Variants in CERS6 observed in about 807,000 individuals in gnomAD.
CERS6 encodes the protein LAG1 homolog, ceramide synthase 6.
CERS6 carries 26 observed loss-of-function variants against 56.8 expected under a neutral mutation model. The observed-to-expected ratio is 0.46, with a 90% CI of 0.34 to 0.63. The LOEUF is 0.63. CERS6 is among the 30% of genes least tolerant of loss of function. The pLI is 0.01. For synonymous variants in CERS6, 164 were observed against 173.3 expected (o/e 0.95, Z 0.42); for missense variants, 415 against 467.5 (o/e 0.89, Z 1.04).
At chr2:168,505,382 CAAAAAAAA>C (rs370477008) in intron 1 of CERS6, among the ~76,000 whole-genome samples, 3 of 96,382 alleles carry the variant, frequency 3.1e-5, no homozygotes, top group East Asian at 2.8e-4. Context: ...ACCCTGTTTC[CAAAAAAAA>C]AAAAAAAAAA....
At chr2:168,639,744 G>T (rs953811288) in intron 4 of CERS6, among the ~76,000 whole-genome samples, 4 of 152,136 alleles carry the variant, frequency 2.6e-5, no homozygotes, top group African/African-American at 9.7e-5. Context: ...GATTGGACCA[G>T]CTCATGCTCT....
At chr2:168,681,752 T>C (rs1169450683) in intron 4 of CERS6, among the ~76,000 whole-genome samples, 3 of 152,162 alleles carry the variant, frequency 2.0e-5, no homozygotes, top group Admixed American at 1.3e-4. Context: ...TTTCTAGCTA[T>C]ATTTTGTATC....
intron 6 of CERS6, among the ~76,000 whole-genome samples, chr2:168,713,362 G>A (rs959839685): frequency 2.0e-5 from 3 of 152,110 alleles, no homozygotes; most frequent in Non-Finnish European, 4.4e-5. Flanking sequence ...AGTCTATGGG[G>A]AATAGACCTC....
intron 1 of CERS6, among the ~76,000 whole-genome samples, chr2:168,499,495 G>A (rs146939491): frequency 6.6e-6 from 1 of 152,288 alleles, no homozygotes; most frequent in African/African-American, 2.4e-5. Flanking sequence ...AATATGTAGG[G>A]AGCCAGCTGT....
At chr2:168,666,562 A>G (rs1685767248) in intron 4 of CERS6, among the ~76,000 whole-genome samples, 1 of 152,196 alleles carries the variant, frequency 6.6e-6, no homozygotes, top group African/African-American at 2.4e-5. Context: ...TTCATCTGAC[A>G]GACATCTTGG....
chr2:168,704,270 T>C (rs1467327930), intron 6 of CERS6, among the ~76,000 whole-genome samples: 1 of 152,096 alleles, frequency 6.6e-6, no homozygotes, highest in Non-Finnish European at 1.5e-5. Context: ...TGCAGAGGGC[T>C]GCAGCATTAC....
At chr2:168,682,183 C>T (rs533491388) in intron 4 of CERS6, among the ~76,000 whole-genome samples, 37 of 152,044 alleles carry the variant, frequency 2.4e-4, no homozygotes, top group Admixed American at 9.2e-4. Flanking sequence ...TTAGTTTGCC[C>T]GTGTGTTTTT....
rs76490449 is a variant in CERS6, at chr2:168,756,727, T to C, written c.846-8865T>C. 7.7e-3 allele frequency among the ~76,000 whole-genome samples: 1,165 copies of C among 152,174 alleles called. 20 individuals are homozygous for C. The highest frequency in any genetic ancestry group is 0.026 in the African/African-American group (1,083 of 41,506). ...GATCGGCTCTGAGCATAAGCCTGGGTGAAGAACGGAGAAAGGGATGGGAGA... is the reference window on the plus strand; with the variant it reads ...GATCGGCTCTGAGCATAAGCCTGGGCGAAGAACGGAGAAAGGGATGGGAGA... On this transcript the variant is annotated intron_variant, in intron 8 of 9. Coordinates refer to ENST00000305747, the MANE Select transcript of CERS6 (RefSeq NM_203463.3).
At chr2:168,688,373 C>T (rs1214017484) in intron 4 of CERS6, among the ~76,000 whole-genome samples, 3 of 150,168 alleles carry the variant, frequency 2.0e-5, no homozygotes, top group Non-Finnish European at 4.4e-5. Flanking sequence ...GCAGAGGTCG[C>T]GCCACTATAC....
At chr2:168,675,044 G>C (rs1260555810) in intron 4 of CERS6, among the ~76,000 whole-genome samples, 2 of 151,860 alleles carry the variant, frequency 1.3e-5, no homozygotes, top group African/African-American at 4.8e-5. Context: ...GGCGTAATCG[G>C]CTCACTACAA....
chr2:168,577,911 C>G (rs368351039), intron 3 of CERS6, among the ~76,000 whole-genome samples: 1 of 151,986 alleles, frequency 6.6e-6, no homozygotes, highest in African/African-American at 2.4e-5. Context: ...ATAGTGAGGG[C>G]GAGGGACACA....
At chr2:168,666,235 G>A (rs996720753) in intron 4 of CERS6, among the ~76,000 whole-genome samples, 2 of 152,140 alleles carry the variant, frequency 1.3e-5, no homozygotes, top group African/African-American at 4.8e-5. Context: ...CTGGACAAAT[G>A]TATAATGACA....
chr2:168,711,172 C>G (rs1476720857), intron 6 of CERS6, among the ~76,000 whole-genome samples: 1 of 152,186 alleles, frequency 6.6e-6, no homozygotes, highest in Admixed American at 6.5e-5. Context: ...AAAATAACCT[C>G]TGGACATGTT....
intron 1 of CERS6, among the ~76,000 whole-genome samples, chr2:168,463,255 G>A (rs1413676203): frequency 1.3e-5 from 2 of 152,080 alleles, no homozygotes; most frequent in Non-Finnish European, 2.9e-5. Context: ...CAATCATACT[G>A]TATATATATG....
intron 4 of CERS6, among the ~76,000 whole-genome samples, chr2:168,656,805 A>G (rs1685484922): frequency 6.6e-6 from 1 of 152,138 alleles, no homozygotes; most frequent in South Asian, 2.1e-4. Context: ...CCCCACCCAC[A>G]TCCTGCTGAT....
chr2:168,566,811 A>AAC (rs1695892419), intron 3 of CERS6, among the ~76,000 whole-genome samples: 1 of 151,744 alleles, frequency 6.6e-6, no homozygotes, highest in Non-Finnish European at 1.5e-5. Flanking sequence ...AAAAAAAAAA[A>AAC]AACCCTGAAT....
chr2:168,525,438 C>G (rs1695053360), intron 1 of CERS6, among the ~76,000 whole-genome samples: 1 of 152,228 alleles, frequency 6.6e-6, no homozygotes, highest in Non-Finnish European at 1.5e-5. Flanking sequence ...TGTTAAAACA[C>G]AAAATCTGAT....
intron 1 of CERS6, among the ~76,000 whole-genome samples, chr2:168,488,493 T>A (rs1401969997): frequency 1.3e-5 from 2 of 152,142 alleles, no homozygotes; most frequent in East Asian, 3.8e-4. Context: ...TATAGTTGGT[T>A]CTTGTAATTT....
In CERS6 at chr2:168,601,704, C is replaced by T. The variant is rs552413194; in HGVS notation, c.408-29281C>T. Among the ~76,000 whole-genome samples the T allele has an allele frequency of 2.6e-5, 4 of 152,198 alleles. No homozygotes were observed. The East Asian group carries it at 7.7e-4, about 29-fold the overall frequency. ...ACCTGGGACTACAGGCGTGTGCCAC[C>T]ATGCCTGGCTAATTTTTGTATTTTT... On this transcript the variant is annotated intron_variant, in intron 3 of 9. Transcript: ENST00000305747.
Sources: gnomAD v4.1 joint callset for allele counts (sites outside exome capture counted in the v4.1 genomes callset) on GRCh38, gnomAD v4.1.1 for gene constraint, MANE v1.5 for transcripts, NCBI Gene and HGNC (gene_info 2026-07-23, HGNC 2026-07-21) for gene names.